Variants in KSR1 observed in about 807,000 individuals in gnomAD.
The protein encoded by KSR1 is kinase suppressor of ras 1, also known as kinase suppressor of ras.
KSR1 carries 35 observed loss-of-function variants against 92.9 expected under a neutral mutation model. The ratio of observed to expected loss-of-function variants is 0.38; its 90% CI spans 0.29 to 0.50. The LOEUF (loss-of-function observed/expected upper bound fraction) is 0.50, where lower values mean the gene tolerates loss of function less well. Among genes scored for constraint, KSR1 ranks in the 20% least tolerant of loss-of-function variants. KSR1 has a pLI of 0.94. For missense variants in KSR1, 972 were observed against 1,158.5 expected (o/e 0.84, Z 2.34); for synonymous variants, 467 against 472.6 (o/e 0.99, Z 0.15).
intron 18 of KSR1, among the ~76,000 whole-genome samples, chr17:27,614,582 A>G (rs2074006748): frequency 6.6e-6 from 1 of 152,244 alleles, no homozygotes; most frequent in Non-Finnish European, 1.5e-5. Context: ...TAAAAATGCC[A>G]GGGTTAAGGC....
intron 1 of KSR1, among the ~76,000 whole-genome samples, chr17:27,532,016 G>T (rs1440790345): frequency 6.6e-6 from 1 of 152,078 alleles, no homozygotes; most frequent in African/African-American, 2.4e-5. Context: ...GACCGTCCTG[G>T]CACTGCCTTC....
chr17:27,560,545 T>C (rs61054489), intron 2 of KSR1: 169,717 of 512,590 alleles, frequency 0.33, 31,354 homozygotes, highest in East Asian at 0.41. Context: ...AGATGAGGCC[T>C]TCTCCCAGAG....
chr17:27,555,716 G>C (rs530154663), intron 2 of KSR1, among the ~76,000 whole-genome samples: 2 of 152,260 alleles, frequency 1.3e-5, no homozygotes, highest in Admixed American at 1.3e-4. Context: ...GGTGAAATAC[G>C]TATAACGTAA....
At position 27,590,791 on chromosome 17, in the gene KSR1, C is replaced by T; in HGVS notation, c.1047-20C>T. Reference sequence around the variant, plus strand: ...GCCTCCCAGCTGGTGCAAACATGTGCCTGTGTCCGCCCTCTGCAGGTTCTC... The same window carrying T: ...GCCTCCCAGCTGGTGCAAACATGTGTCTGTGTCCGCCCTCTGCAGGTTCTC... On this transcript the variant is annotated intron_variant, in intron 6 of 20. Transcript: ENST00000644974. The T allele has an allele frequency of 6.2e-7, 1 of 1,601,700 alleles. No individual in the cohort carries two copies. The highest frequency in any genetic ancestry group is 8.5e-7 in the Non-Finnish European group (1 of 1,174,144).
chr17:27,581,693 G>C lies in KSR1; in HGVS notation c.521-953G>C, dbSNP rs541650557. 2.0e-5 allele frequency among the ~76,000 whole-genome samples: 3 copies of C among 152,274 alleles called. No individual in the cohort carries two copies. In the South Asian group the frequency reaches 6.2e-4, roughly 32 times the overall value. On this transcript the variant is annotated intron_variant, in intron 3 of 20. Coordinates refer to ENST00000644974, the MANE Select transcript of KSR1 (RefSeq NM_001394583.1). Reference sequence around the variant, plus strand: ...GCAGAGCCCCCTGTCCTGGCACAGAGCATACATAGTGTGTTATGTGCCTGT... The same window carrying C: ...GCAGAGCCCCCTGTCCTGGCACAGACCATACATAGTGTGTTATGTGCCTGT...
chr17:27,621,338 C>T (rs2074217911), intron 20 of KSR1, 65 bp downstream of exon 20: 5 of 398,556 alleles, frequency 1.3e-5, no homozygotes, highest in Non-Finnish European at 2.2e-5. Flanking sequence ...AGCCCTGCTT[C>T]CTTTCTGTCG....
At chr17:27,521,132 G>A (rs2070009460) in intron 1 of KSR1, among the ~76,000 whole-genome samples, 2 of 152,212 alleles carry the variant, frequency 1.3e-5, no homozygotes, top group Admixed American at 6.5e-5. Context: ...CAGGAGCACA[G>A]CCCTGGGCCA....
chr17:27,626,189 C>T lies in KSR1; in HGVS notation c.*2797C>T, dbSNP rs2074336483. On this transcript the variant is annotated 3_prime_UTR_variant, in exon 21 of 21. Transcript: ENST00000644974. ...GCCAGGATCTCATCAGCGTGCAAACCTAGCATCTTCTGTGGCCACAAGCCA... is the reference window on the plus strand; with the variant it reads ...GCCAGGATCTCATCAGCGTGCAAACTTAGCATCTTCTGTGGCCACAAGCCA... The T allele has an allele frequency of 6.6e-6, 1 of 152,232 alleles. No individual in the cohort carries two copies. Among genetic ancestry groups the T allele is most frequent in the Admixed American group, 6.5e-5 (1 of 15,290 alleles). 9.4% of individuals were successfully genotyped at this position (152,232 alleles called of 1,614,324 possible). A position where few individuals can be genotyped will look rare whatever the true frequency, so the allele number is the denominator to read the frequency against.
chr17:27,609,222 C>G lies in KSR1; in HGVS notation c.2118C>G (p.Gly706=). The part of the protein sequence containing the change: ...IKGMGYLHAK[G]IVHKDLKSKN... ...GCATGGGATATCTTCATGCCAAGGGCATCGTACACAAAGATCTCAAATCTA... is the reference window on the plus strand; with the variant it reads ...GCATGGGATATCTTCATGCCAAGGGGATCGTACACAAAGATCTCAAATCTA... Residue 706 remains glycine (G), a synonymous_variant, in exon 16 of 21, where the codon GGC becomes GGG. Coordinates refer to ENST00000644974, the MANE Select transcript of KSR1 (RefSeq NM_001394583.1). 1 of 1,613,960 alleles carries G rather than the reference C, an allele frequency of 6.2e-7. No homozygotes were observed. The highest frequency in any genetic ancestry group is 8.5e-7 in the Non-Finnish European group (1 of 1,179,858).
chr17:27,481,500 C>T (rs2068508256), intron 1 of KSR1, among the ~76,000 whole-genome samples: 1 of 152,340 alleles, frequency 6.6e-6, no homozygotes, highest in South Asian at 2.1e-4. Flanking sequence ...ACATAAGATA[C>T]ACGTAGGTAC....
intron 1 of KSR1, among the ~76,000 whole-genome samples, chr17:27,457,380 T>C (rs1477604088): frequency 6.6e-6 from 1 of 152,196 alleles, no homozygotes; most frequent in Non-Finnish European, 1.5e-5. Flanking sequence ...TGCCGCCTTT[T>C]CAAAAAGTGT....
chr17:27,601,422 C>T (rs1407801367), intron 11 of KSR1, 21 bp downstream of exon 11: 2 of 1,607,780 alleles, frequency 1.2e-6, no homozygotes, highest in South Asian at 2.2e-5. Flanking sequence ...TGCATGGTTC[C>T]ATTAACTGCC....
intron 2 of KSR1, among the ~76,000 whole-genome samples, chr17:27,567,381 A>G (rs1332387474): frequency 6.6e-6 from 1 of 152,172 alleles, no homozygotes; most frequent in Non-Finnish European, 1.5e-5. Flanking sequence ...GCTTGAAGCC[A>G]GGAGTTTGAG....
chr17:27,471,050 AG>A (rs1204080882), intron 1 of KSR1, among the ~76,000 whole-genome samples: 1 of 151,940 alleles, frequency 6.6e-6, no homozygotes, highest in African/African-American at 2.4e-5. Flanking sequence ...TTGTACTTTT[AG>A]TAAAGACAGG....
chr17:27,511,773 C>T (rs987430121), intron 1 of KSR1, among the ~76,000 whole-genome samples: 4 of 152,234 alleles, frequency 2.6e-5, no homozygotes, highest in African/African-American at 4.8e-5. Context: ...GGTCAGACTC[C>T]TCTGCATCCC....
At chr17:27,606,786 C>T (rs2073767401) in intron 14 of KSR1, among the ~76,000 whole-genome samples, 1 of 143,856 alleles carries the variant, frequency 7.0e-6, no homozygotes, top group African/African-American at 2.6e-5. Context: ...AACAAGACTC[C>T]ATCTCAAAAA....
chr17:27,564,038 G>T (rs1333248370), intron 2 of KSR1, among the ~76,000 whole-genome samples: 1 of 125,032 alleles, frequency 8.0e-6, no homozygotes, highest in Non-Finnish European at 1.6e-5. Context: ...GCCGAGGCTG[G>T]AGTGCAATGG....
In KSR1 at chr17:27,582,866, C is replaced by G. The variant is rs1397673542; in HGVS notation, c.741C>G (p.Leu247=). 2 of 1,613,536 alleles carry G rather than the reference C, an allele frequency of 1.2e-6. No individual in the cohort carries two copies. The highest frequency in any genetic ancestry group is 1.7e-6 in the Non-Finnish European group (2 of 1,179,746). The change falls in exon 4 of 21, where the codon CTC becomes CTG. Residue 247 remains leucine (L), a synonymous_variant. Transcript: ENST00000644974. Reference sequence around the variant, plus strand: ...CCACCCCCAGCTTCAGTGAGGGCCTCTCAGACACCTGTATTCCCCTGCACG... The same window carrying G: ...CCACCCCCAGCTTCAGTGAGGGCCTGTCAGACACCTGTATTCCCCTGCACG... ...DSPTPSFSEG[L]SDTCIPLHAS...
In KSR1 at chr17:27,477,716, C is replaced by CT. The variant is rs1001733229; in HGVS notation, c.231+20856dup. Among the ~76,000 whole-genome samples the CT allele has an allele frequency of 7.1e-3, 1,018 of 144,202 alleles. 4 individuals carry two copies. Among genetic ancestry groups the CT allele is most frequent in the Middle Eastern group, 0.014 (4 of 276 alleles). The allele number at this position is 144,202 out of a possible 152,430, so 94.6% of individuals were successfully genotyped here. ...TTCAGGGGAAGTTCCCTGTTCTCTT[C>CT]TTTTTTTTTTTTTTGAGACAGGGTC... On this transcript the variant is annotated intron_variant, in intron 1 of 20. Transcript: ENST00000644974.
Sources: gnomAD v4.1 joint callset for allele counts (sites outside exome capture counted in the v4.1 genomes callset) on GRCh38, gnomAD v4.1.1 for gene constraint, MANE v1.5 for transcripts, NCBI Gene and HGNC (gene_info 2026-07-23, HGNC 2026-07-21) for gene names.